Variants in KANK1 observed in about 807,000 individuals in gnomAD.
KANK1 encodes the protein KN motif and ankyrin repeat domains 1, also known as KN motif and ankyrin repeat domain-containing protein 1.
In KANK1, 109 loss-of-function variants were observed where a neutral mutation model predicts 106.2. The ratio of observed to expected loss-of-function variants is 1.03; its 90% CI spans 0.88 to 1.20. The LOEUF (loss-of-function observed/expected upper bound fraction) is 1.20, where lower values mean the gene tolerates loss of function less well. Ranked by LOEUF, KANK1 falls within the 50% of genes most tolerant of loss-of-function variation. The pLI is 0.00. For synonymous variants in KANK1, 873 were observed against 652.2 expected, an observed-to-expected ratio of 1.34 and a Z score of -5.16; for missense variants, 2,399 against 1,710.7, an observed-to-expected ratio of 1.40 and a Z score of -7.10.
At chr9:485,498 C>A (rs945081400) in intron 3 of KANK1, among the ~76,000 whole-genome samples, 1 of 152,142 alleles carries the variant, frequency 6.6e-6, no homozygotes. Flanking sequence ...TTCACCTGTT[C>A]CTTTTGTCTG....
intron 1 of KANK1, among the ~76,000 whole-genome samples, chr9:607,705 G>A (rs1275407656): frequency 6.6e-6 from 1 of 151,566 alleles, no homozygotes; most frequent in Non-Finnish European, 1.5e-5. Context: ...AACTTTGCTG[G>A]CAGGGCTGTA....
chr9:546,036 C>T (rs993478178), intron 1 of KANK1, among the ~76,000 whole-genome samples: 2 of 152,024 alleles, frequency 1.3e-5, no homozygotes, highest in Non-Finnish European at 2.9e-5. Flanking sequence ...TGTGAGCCAC[C>T]ACACCCTGCC....
At position 730,262 on chromosome 9, in the gene KANK1, C is replaced by G; in HGVS notation, c.2896+14C>G. 1.2e-6 allele frequency: 2 copies of G among 1,613,272 alleles called. No individual in the cohort carries two copies. Among genetic ancestry groups the G allele is most frequent in the Non-Finnish European group, 8.5e-7 (1 of 1,179,180 alleles). On this transcript the variant is annotated intron_variant, in intron 4 of 11. Coordinates refer to ENST00000382297, the MANE Select transcript of KANK1 (RefSeq NM_015158.5). ...CTGGCCTCTATGGTAACTTTTCTCA[C>G]TCACAGTCATTGGCATCAGGATTCT...
At chr9:551,748 A>G (rs1226349418) in intron 1 of KANK1, among the ~76,000 whole-genome samples, 1 of 152,078 alleles carries the variant, frequency 6.6e-6, no homozygotes, top group African/African-American at 2.4e-5. Flanking sequence ...TAATGGTGAT[A>G]AGAGTTACAA....
chr9:648,294 G>A (rs933073458), intron 1 of KANK1, among the ~76,000 whole-genome samples: 4 of 152,100 alleles, frequency 2.6e-5, no homozygotes, highest in East Asian at 3.9e-4. Flanking sequence ...GAGCCACCAC[G>A]CCTGGCCAGT....
At chr9:719,289 A>G (rs934757224) in intron 3 of KANK1, among the ~76,000 whole-genome samples, 1 of 152,172 alleles carries the variant, frequency 6.6e-6, no homozygotes, top group Non-Finnish European at 1.5e-5. Flanking sequence ...TCTTAAAAAC[A>G]AACATTATTT....
chr9:499,680 G>A (rs2058517469), intron 3 of KANK1, among the ~76,000 whole-genome samples: 1 of 152,210 alleles, frequency 6.6e-6, no homozygotes, highest in Non-Finnish European at 1.5e-5. Flanking sequence ...TGAGGAGCAC[G>A]AAGGGGAAAC....
intron 1 of KANK1, among the ~76,000 whole-genome samples, chr9:626,454 C>T (rs1024386959): frequency 6.6e-6 from 1 of 152,052 alleles, no homozygotes; most frequent in African/African-American, 2.4e-5. Context: ...AAAAGCTGTG[C>T]CAATAAAATT....
intron 1 of KANK1, among the ~76,000 whole-genome samples, chr9:617,952 A>G (rs1020191152): frequency 1.3e-5 from 2 of 152,162 alleles, no homozygotes; most frequent in African/African-American, 4.8e-5. Flanking sequence ...AGTAACATTT[A>G]TGGAACCACT....
At chr9:674,385 T>TA (rs113738657) in intron 1 of KANK1, 28,058 of 140,688 alleles carry the variant, frequency 0.2, 2,877 homozygotes, top group African/African-American at 0.27. Flanking sequence ...GCAATCTGTT[T>TA]AAAAAAAAAA....
intron 2 of KANK1, chr9:471,672 G>A (rs1394958241): frequency 1.3e-5 from 2 of 152,260 alleles, no homozygotes; most frequent in African/African-American, 4.8e-5. Context: ...GGAGGCCAAA[G>A]TGGGAGGCTT....
chr9:533,155 G>C (rs1415253626), intron 1 of KANK1, among the ~76,000 whole-genome samples: 1 of 152,070 alleles, frequency 6.6e-6, no homozygotes, highest in Non-Finnish European at 1.5e-5. Flanking sequence ...TTGAACAAAG[G>C]TTGTTGAAAA....
At chr9:585,271 C>T (rs918982139) in intron 1 of KANK1, among the ~76,000 whole-genome samples, 1 of 152,184 alleles carries the variant, frequency 6.6e-6, no homozygotes, top group African/African-American at 2.4e-5. Flanking sequence ...GTGCATCATC[C>T]TTGCTGCCAT....
intron 1 of KANK1, among the ~76,000 whole-genome samples, chr9:537,211 G>A (rs2060346738): frequency 6.6e-6 from 1 of 152,146 alleles, no homozygotes; most frequent in Non-Finnish European, 1.5e-5. Context: ...GTTGATGCTT[G>A]CACCTCTGCT....
At chr9:688,312 A>G (rs1272265847) in intron 2 of KANK1, among the ~76,000 whole-genome samples, 2 of 152,190 alleles carry the variant, frequency 1.3e-5, no homozygotes, top group Non-Finnish European at 2.9e-5. Context: ...GGCAGGCTTA[A>G]GATGGTGTTG....
intron 3 of KANK1, among the ~76,000 whole-genome samples, chr9:727,716 GTA>G (rs1290241917): frequency 2.2e-4 from 32 of 147,572 alleles, no homozygotes; most frequent in African/African-American, 5.6e-4. Flanking sequence ...GTGTGTGTGT[GTA>G]TGTGTGTGTG....
At chr9:703,906 G>T (rs1001369378) in intron 2 of KANK1, among the ~76,000 whole-genome samples, 1 of 151,990 alleles carries the variant, frequency 6.6e-6, no homozygotes, top group Non-Finnish European at 1.5e-5. Context: ...TAGAGACCTG[G>T]TTTCACCATG....
chr9:576,785 TC>T (rs1820680069), intron 1 of KANK1, among the ~76,000 whole-genome samples: 3 of 152,050 alleles, frequency 2.0e-5, no homozygotes, highest in Admixed American at 2.0e-4. Context: ...ACCATGACAT[TC>T]CCTGTACGTA....
At chr9:623,942 G>T (rs1335330997) in intron 1 of KANK1, among the ~76,000 whole-genome samples, 1 of 151,830 alleles carries the variant, frequency 6.6e-6, no homozygotes. Flanking sequence ...ATTTATTTCA[G>T]CATTACTCAC....
Sources: allele counts gnomAD v4.1 joint callset (sites outside exome capture counted in the v4.1 genomes callset), GRCh38; gene constraint gnomAD v4.1.1; transcripts MANE v1.5; gene names NCBI Gene and HGNC (gene_info 2026-07-23, HGNC 2026-07-21).